The following CHD2 variants were observed in gnomAD, a reference collection of about 807,000 sequenced individuals.
CHD2 encodes ATP-dependent chromatin remodeler CHD2.
In CHD2, 28 loss-of-function variants were observed where a neutral mutation model predicts 243.9. The ratio of observed to expected loss-of-function variants is 0.11; its 90% confidence interval spans 0.09 to 0.16. CHD2 has a LOEUF of 0.16. CHD2 is among the 10% of genes least tolerant of loss of function. The pLI is 1.00. For synonymous variants in CHD2, 775 were observed against 779.0 expected, an observed-to-expected ratio of 0.99 and a Z score of 0.09; for missense variants, 1,386 against 2,209.8, an observed-to-expected ratio of 0.63 and a Z score of 7.47.
intron 34 of CHD2, among the ~76,000 whole-genome samples, chr15:93,005,707 A>T (rs757911044): frequency 3.3e-5 from 5 of 152,042 alleles, no homozygotes; most frequent in Non-Finnish European, 7.4e-5. Flanking sequence ...TGTTTTCTTA[A>T]GTCTCTTTTT....
At chr15:92,981,946 T>C (rs1011848517) in intron 24 of CHD2, among the ~76,000 whole-genome samples, 5 of 152,172 alleles carry the variant, frequency 3.3e-5, no homozygotes, top group Non-Finnish European at 4.4e-5. Flanking sequence ...AACACAAAAG[T>C]TGGGCACCAG....
chr15:92,992,609 CCTCT>C lies in CHD2; in HGVS notation c.3456-247_3456-244del, dbSNP rs747850074. Among the ~76,000 whole-genome samples, 9 of 152,138 alleles carry C rather than the reference CCTCT, an allele frequency of 5.9e-5. No individual in the cohort carries two copies. In the East Asian group the frequency reaches 1.5e-3, roughly 26 times the overall value. On this transcript the variant is annotated intron_variant, in intron 27 of 38. Coordinates refer to ENST00000394196, the MANE Select transcript of CHD2 (RefSeq NM_001271.4). Reference sequence around the variant, plus strand: ...CTTTGCTTTGCTTGTTTCTTTCTTTCCTCTCTGTTTTTTGGAATTATTTTGTTTT... The same window carrying C: ...CTTTGCTTTGCTTGTTTCTTTCTTTCCTGTTTTTTGGAATTATTTTGTTTT...
intron 35 of CHD2, among the ~76,000 whole-genome samples, chr15:93,009,901 G>A (rs1188813549): frequency 1.3e-5 from 2 of 152,162 alleles, no homozygotes; most frequent in Non-Finnish European, 2.9e-5. Context: ...GATTTCAATA[G>A]TTTTAGGGAA....
At chr15:92,916,190 C>T (rs1239465211) in intron 2 of CHD2, among the ~76,000 whole-genome samples, 1 of 152,074 alleles carries the variant, frequency 6.6e-6, no homozygotes, top group Non-Finnish European at 1.5e-5. Context: ...CTCATGTCTC[C>T]CTAAAATGTG....
intron 5 of CHD2, among the ~76,000 whole-genome samples, chr15:92,933,988 G>A (rs2053221907): frequency 6.6e-6 from 1 of 152,330 alleles, no homozygotes; most frequent in Non-Finnish European, 1.5e-5. Context: ...GATTTCTGTT[G>A]ATCATTGGAA....
chr15:92,911,310 G>A (rs898275572), intron 2 of CHD2, among the ~76,000 whole-genome samples: 1 of 152,180 alleles, frequency 6.6e-6, no homozygotes, highest in African/African-American at 2.4e-5. Context: ...AGGTACATAT[G>A]CTTATCGCTA....
chr15:92,911,719 AGT>A (rs2052739082), intron 2 of CHD2, among the ~76,000 whole-genome samples: 2 of 152,188 alleles, frequency 1.3e-5, no homozygotes, highest in African/African-American at 4.8e-5. Context: ...TGGGCAGCAG[AGT>A]GAGACTGTGT....
At position 92,997,908 on chromosome 15, in the gene CHD2, G is replaced by A. The variant is rs909630260; in HGVS notation, c.3885+505G>A. 4 of 155,260 alleles carry A rather than the reference G, an allele frequency of 2.6e-5. No homozygotes were observed. The highest frequency in any genetic ancestry group is 2.0e-4 in the South Asian group (1 of 5,054). The allele number at this position is 155,260 out of a possible 1,614,324, so 9.6% of individuals were successfully genotyped here. On this transcript the variant is annotated intron_variant, in intron 30 of 38. Coordinates refer to ENST00000394196, the MANE Select transcript of CHD2 (RefSeq NM_001271.4). This position sits in a 1 kb window ranked among gnomAD's most constrained non-coding sequence, Gnocchi z 4.1. ...CATGGTTGGAGCTATAAGCAGGGAA[G>A]GCTGACTGGCTCAAATTTTGGTAGG...
chr15:92,949,273 T>C, intron 13 of CHD2, 197 bp downstream of exon 13: 2 of 1,335,244 alleles, frequency 1.5e-6, no homozygotes, highest in South Asian at 3.7e-5. Context: ...AATACCATTT[T>C]ATTCTGATCT....
At position 92,997,479 on chromosome 15, in the gene CHD2, A is replaced by C; in HGVS notation, c.3885+76A>C. ...TTTTTATATCGATTACTTATTTCTA[A>C]CTATTTTCGAGGGGGCATCAAATTA... On this transcript the variant is annotated intron_variant, in intron 30 of 38. Coordinates refer to ENST00000394196, the MANE Select transcript of CHD2 (RefSeq NM_001271.4). The surrounding 1 kb of genome is among the most constrained non-coding windows in gnomAD (Gnocchi z 4.1). 2 of 1,342,248 alleles carry C rather than the reference A, an allele frequency of 1.5e-6. No homozygotes were observed. The highest frequency in any genetic ancestry group is 2.0e-6 in the Non-Finnish European group (2 of 1,004,400). The allele number at this position is 1,342,248 out of a possible 1,614,324, so 83.1% of individuals were successfully genotyped here. A position where few individuals can be genotyped will look rare whatever the true frequency, so the allele number is the denominator to read the frequency against.
rs376550364 is a variant in CHD2, at chr15:92,998,565, T to G, written c.3952T>G (p.Leu1318Val). The G allele has an allele frequency of 6.2e-7, 1 of 1,613,680 alleles. No homozygotes were observed. The highest frequency in any genetic ancestry group is 1.1e-5 in the South Asian group (1 of 91,048). ...GCTACAGACCCGAGCGGATTACTTG[T>G]TGAAGCTGCTCAGAAAGGGTCTGGA... ...KQLQTRADYL[L>V]KLLRKGLEKK... The change falls in exon 31 of 39, where the codon TTG becomes GTG. Residue 1318 changes from leucine to valine, a missense_variant. By Grantham distance (32) the Leu-to-Val change is conservative. Transcript: ENST00000394196. This position sits in a 1 kb window ranked among gnomAD's most constrained non-coding sequence, Gnocchi z 5.1.
At chr15:92,978,055 C>G (rs1300007058) in intron 20 of CHD2, 179 bp from the exon 21 acceptor site, 3 of 683,302 alleles carry the variant, frequency 4.4e-6, no homozygotes, top group Middle Eastern at 2.5e-4. Flanking sequence ...GCCTCTTAAT[C>G]AAATGAAAAT....
intron 10 of CHD2, 86 bp from the exon 11 acceptor site, chr15:92,945,735 T>C: frequency 1.3e-6 from 1 of 795,140 alleles, no homozygotes; most frequent in Non-Finnish European, 2.0e-6. Context: ...GGTAGTAGAA[T>C]ATATTTACAT....
At chr15:92,936,803 A>G (rs368988665) in intron 5 of CHD2, among the ~76,000 whole-genome samples, 4 of 152,040 alleles carry the variant, frequency 2.6e-5, no homozygotes, top group African/African-American at 4.8e-5. Context: ...ACTGAGACCT[A>G]CTGCATCAGG....
intron 4 of CHD2, among the ~76,000 whole-genome samples, chr15:92,928,292 C>T (rs985051669): frequency 6.6e-6 from 1 of 152,182 alleles, no homozygotes; most frequent in Non-Finnish European, 1.5e-5. Context: ...TTTGTTAAAA[C>T]CAATCACATA....
In CHD2 at chr15:93,025,654, A is replaced by C. The variant is rs9672839; in HGVS notation, c.*949A>C. On this transcript the variant is annotated 3_prime_UTR_variant, in exon 39 of 39. Transcript: ENST00000394196. The stretch of plus-strand genomic sequence containing the variant: ...AAAGCTACAGGACCTGGAGAAGGGG[A>C]TGCAGAGGCAGGCCTGCTGACCAAC... The C allele has an allele frequency of 0.41, 63,144 of 152,226 alleles. 14,064 individuals carry two copies. The highest frequency in any genetic ancestry group is 0.86 in the East Asian group (4,427 of 5,164). The allele number at this position is 152,226 out of a possible 1,614,324, so 9.4% of individuals were successfully genotyped here. A position where few individuals can be genotyped will look rare whatever the true frequency, so the allele number is the denominator to read the frequency against.
intron 3 of CHD2, 72 bp downstream of exon 3, chr15:92,924,624 A>G (rs1473978725): frequency 2.3e-6 from 3 of 1,308,218 alleles, no homozygotes; most frequent in African/African-American, 1.5e-5. Flanking sequence ...GTTGTTCATG[A>G]AAACTCATTA....
At chr15:93,011,376 A>G (rs1189176833) in intron 35 of CHD2, among the ~76,000 whole-genome samples, 2 of 152,238 alleles carry the variant, frequency 1.3e-5, no homozygotes, top group Admixed American at 6.5e-5. Context: ...CTGAGCATAC[A>G]TGAGCTGAGT....
chr15:92,978,230 A>G lies in CHD2; in HGVS notation c.2578-4A>G, dbSNP rs2053934922. The G allele has an allele frequency of 1.9e-6, 3 of 1,614,174 alleles. No individual in the cohort carries two copies. The highest frequency in any genetic ancestry group is 2.5e-6 in the Non-Finnish European group (3 of 1,180,010). Reference sequence around the variant, plus strand: ...CATAAAGTAGTATATTGCATTGTGTACAGGACTTCTGTTTCCTGCTCTCGA... The same window carrying G: ...CATAAAGTAGTATATTGCATTGTGTGCAGGACTTCTGTTTCCTGCTCTCGA... On this transcript the variant is annotated splice_polypyrimidine_tract_variant and splice_region_variant and intron_variant, in intron 20 of 38. Transcript: ENST00000394196.
Sources: gnomAD v4.1 joint callset for allele counts (sites outside exome capture counted in the v4.1 genomes callset) on GRCh38, gnomAD v4.1.1 for gene constraint, Gnocchi (gnomAD v3.1) non-coding constraint, MANE v1.5 for transcripts, NCBI Gene and HGNC (gene_info 2026-07-23, HGNC 2026-07-21) for gene names.